Variants in ARIH1 observed in about 807,000 individuals in gnomAD.
ARIH1 encodes the protein E3 ubiquitin-protein ligase ARIH1.
ARIH1 carries 8 observed loss-of-function variants against 85.0 expected under a neutral mutation model. The ratio of observed to expected loss-of-function variants is 0.09; its 90% CI spans 0.06 to 0.17. The LOEUF (loss-of-function observed/expected upper bound fraction) is 0.17. ARIH1 is among the 10% of genes least tolerant of loss of function. ARIH1 has a pLI of 1.00. For missense variants in ARIH1, 311 were observed against 718.1 expected (o/e 0.43, Z 6.48); for synonymous variants, 238 against 253.6 (o/e 0.94, Z 0.59).
chr15:72,571,370 T>G (rs2064245804), intron 10 of ARIH1, among the ~76,000 whole-genome samples: 1 of 152,154 alleles, frequency 6.6e-6, no homozygotes, highest in Non-Finnish European at 1.5e-5. Flanking sequence ...GTTAGTACAT[T>G]TAAAGTCATT....
At chr15:72,483,622 G>T (rs1009684564) in intron 1 of ARIH1, among the ~76,000 whole-genome samples, 5 of 152,072 alleles carry the variant, frequency 3.3e-5, no homozygotes, top group African/African-American at 1.2e-4. Flanking sequence ...GTATGCTATT[G>T]GGAGAACATA....
Position 72,587,169 on chromosome 15 carries a change from T to C in ARIH1, c.*3877T>C. The stretch of plus-strand genomic sequence containing the variant: ...TTTTTATAAAGGAGGAAGATAAGGC[T>C]CACTGAGGTTAAATAACTCCCTCAA... On this transcript the variant is annotated 3_prime_UTR_variant, in exon 14 of 14. Coordinates refer to ENST00000379887, the MANE Select transcript of ARIH1 (RefSeq NM_005744.5). 2 of 491,728 alleles carry C rather than the reference T, an allele frequency of 4.1e-6. No individual in the cohort carries two copies. Among genetic ancestry groups the C allele is most frequent in the Non-Finnish European group, 8.4e-6 (2 of 238,380 alleles). 30.5% of individuals were successfully genotyped at this position (491,728 alleles called of 1,614,324 possible).
chr15:72,568,130 T>C (rs2064228912), intron 9 of ARIH1, among the ~76,000 whole-genome samples: 1 of 152,172 alleles, frequency 6.6e-6, no homozygotes, highest in African/African-American at 2.4e-5. Flanking sequence ...TTAAGGAATA[T>C]ATGGTAGAAA....
chr15:72,563,567 G>T (rs546288579), intron 7 of ARIH1, 67 bp downstream of exon 7: 10 of 1,369,690 alleles, frequency 7.3e-6, no homozygotes, highest in Admixed American at 5.2e-5. Flanking sequence ...TTTATTCTTG[G>T]TAGTAAAATA....
chr15:72,532,627 T>C (rs2064062641), intron 2 of ARIH1, among the ~76,000 whole-genome samples: 1 of 152,152 alleles, frequency 6.6e-6, no homozygotes, highest in African/African-American at 2.4e-5. Flanking sequence ...CTTATGTACA[T>C]AGATACAAAA....
chr15:72,562,015 C>T (rs1020171109), intron 6 of ARIH1, among the ~76,000 whole-genome samples: 3 of 151,970 alleles, frequency 2.0e-5, no homozygotes, highest in Non-Finnish European at 4.4e-5. Flanking sequence ...TATGAGAAAC[C>T]AGTAAGTACA....
intron 2 of ARIH1, among the ~76,000 whole-genome samples, chr15:72,521,695 C>T (rs183173781): frequency 1.3e-5 from 2 of 151,808 alleles, no homozygotes; most frequent in Non-Finnish European, 2.9e-5. Flanking sequence ...GTTACAGGCA[C>T]CCACCACCAT....
chr15:72,519,529 G>A (rs962625827), intron 2 of ARIH1, among the ~76,000 whole-genome samples: 1 of 123,864 alleles, frequency 8.1e-6, no homozygotes, highest in Non-Finnish European at 1.6e-5. Flanking sequence ...TGTTGCCCAG[G>A]CTGGAGTGCA....
intron 10 of ARIH1, 93 bp downstream of exon 10, chr15:72,570,400 A>G (rs1595872720): frequency 6.8e-7 from 1 of 1,476,188 alleles, no homozygotes; most frequent in East Asian, 2.3e-5. Context: ...TCACCATCTA[A>G]CTTGCAAGCT....
At chr15:72,517,359 C>T (rs2063979753) in intron 1 of ARIH1, among the ~76,000 whole-genome samples, 1 of 152,146 alleles carries the variant, frequency 6.6e-6, no homozygotes, top group Admixed American at 6.5e-5. Context: ...GCCTCAACCT[C>T]CTGAGTGGTT....
intron 1 of ARIH1, among the ~76,000 whole-genome samples, chr15:72,481,993 CG>C (rs1400107118): frequency 3.3e-5 from 5 of 152,060 alleles, no homozygotes; most frequent in African/African-American, 9.7e-5. Flanking sequence ...CCCACCACTA[CG>C]CCCGGCTAAT....
At chr15:72,510,493 C>G (rs1363901575) in intron 1 of ARIH1, among the ~76,000 whole-genome samples, 2 of 151,624 alleles carry the variant, frequency 1.3e-5, no homozygotes, top group Non-Finnish European at 2.9e-5. Flanking sequence ...CCAGTACTAC[C>G]CAGCACTTTG....
chr15:72,508,728 C>G (rs1056052610), intron 1 of ARIH1, among the ~76,000 whole-genome samples: 3 of 147,172 alleles, frequency 2.0e-5, no homozygotes, highest in Non-Finnish European at 4.5e-5. Flanking sequence ...GAGTCTCTCT[C>G]TATCACCCAG....
At position 72,597,431 on chromosome 15, in the gene ARIH1, T is replaced by C. The variant is rs544403526; in HGVS notation, c.*14139T>C. On this transcript the variant is annotated 3_prime_UTR_variant, in exon 14 of 14. Coordinates refer to ENST00000379887, the MANE Select transcript of ARIH1 (RefSeq NM_005744.5). The stretch of plus-strand genomic sequence containing the variant: ...CTACTTTACAACCTTGCTGCCAGGA[T>C]TTTTTTTTTTAATCAATGGGCTGGG... 6.2e-5 allele frequency: 9 copies of C among 145,882 alleles called. No homozygotes were observed. The highest frequency in any genetic ancestry group is 2.1e-4 in the South Asian group (1 of 4,670). 9.0% of individuals were successfully genotyped at this position (145,882 alleles called of 1,614,324 possible). A position where few individuals can be genotyped will look rare whatever the true frequency, so the allele number is the denominator to read the frequency against.
intron 2 of ARIH1, among the ~76,000 whole-genome samples, chr15:72,532,334 G>A (rs375611699): frequency 6.6e-6 from 1 of 151,766 alleles, no homozygotes; most frequent in Non-Finnish European, 1.5e-5. Flanking sequence ...CTTGATAGAC[G>A]AAATGGGTAG....
chr15:72,597,429 G>C lies in ARIH1; in HGVS notation c.*14137G>C, dbSNP rs2064367342. On this transcript the variant is annotated 3_prime_UTR_variant, in exon 14 of 14. Transcript: ENST00000379887. Reference sequence around the variant, plus strand: ...CCCTACTTTACAACCTTGCTGCCAGGATTTTTTTTTTTAATCAATGGGCTG... The same window carrying C: ...CCCTACTTTACAACCTTGCTGCCAGCATTTTTTTTTTTAATCAATGGGCTG... 1 of 151,382 alleles carries C rather than the reference G, an allele frequency of 6.6e-6. No individual in the cohort carries two copies. The allele number at this position is 151,382 out of a possible 1,614,324, so 9.4% of individuals were successfully genotyped here.
chr15:72,508,396 C>G (rs1382992665), intron 1 of ARIH1, among the ~76,000 whole-genome samples: 1 of 152,132 alleles, frequency 6.6e-6, no homozygotes, highest in African/African-American at 2.4e-5. Context: ...GGTGGCACAC[C>G]GAAGTGAATT....
chr15:72,482,921 A>C (rs1384798076), intron 1 of ARIH1, among the ~76,000 whole-genome samples: 2 of 150,184 alleles, frequency 1.3e-5, no homozygotes, highest in Non-Finnish European at 3.0e-5. Flanking sequence ...GCTCATTGCA[A>C]CCCTCACCTC....
In ARIH1 at chr15:72,474,352, G is replaced by A. The variant is rs2063783741; in HGVS notation, c.-288G>A. The A allele has an allele frequency of 4.8e-6, 2 of 415,044 alleles. No homozygotes were observed. The highest frequency in any genetic ancestry group is 8.6e-6 in the Non-Finnish European group (2 of 231,508). 25.7% of individuals were successfully genotyped at this position (415,044 alleles called of 1,614,324 possible). A position where few individuals can be genotyped will look rare whatever the true frequency, so the allele number is the denominator to read the frequency against. On this transcript the variant is annotated 5_prime_UTR_variant, in exon 1 of 14. Transcript: ENST00000379887. ...CTCAGTAGCGATAGCAGCGGCCGTG[G>A]AGGTGGCGTTGGGGACTGTTTTCTC...
Sources: allele counts gnomAD v4.1 joint callset (sites outside exome capture counted in the v4.1 genomes callset), GRCh38; gene constraint gnomAD v4.1.1; transcripts MANE v1.5; gene names NCBI Gene and HGNC (gene_info 2026-07-23, HGNC 2026-07-21).